HPCAL1: variants seen among roughly 807,000 people sequenced by gnomAD.
HPCAL1 encodes the protein hippocalcin like 1, also known as hippocalcin-like protein 1.
Under a neutral mutation model 17.1 loss-of-function variants are expected in HPCAL1, and 8 were observed. That is an observed-to-expected ratio of 0.47 (90% CI 0.27 to 0.84). The LOEUF (loss-of-function observed/expected upper bound fraction) is 0.84, where lower values mean the gene tolerates loss of function less well. HPCAL1 is among the 40% of genes least tolerant of loss of function. The probability of loss-of-function intolerance (pLI) is 0.13; values close to 1 mark genes in which losing one functional copy is unlikely to be tolerated. For synonymous variants in HPCAL1, 112 were observed against 111.4 expected, an observed-to-expected ratio of 1.01 and a Z score of -0.03; for missense variants, 165 against 271.1, an observed-to-expected ratio of 0.61 and a Z score of 2.75.
At chr2:10,390,126 G>C (rs1418616201) in intron 1 of HPCAL1, among the ~76,000 whole-genome samples, 1 of 152,208 alleles carries the variant, frequency 6.6e-6, no homozygotes, top group Non-Finnish European at 1.5e-5. Flanking sequence ...CCAGGGGTTT[G>C]GTGCTGGGCA....
rs1035989285 is a variant in HPCAL1, at chr2:10,354,881, C to A, written c.-110-41954C>A. On this transcript the variant is annotated intron_variant, in intron 1 of 4. Transcript: ENST00000307845. This position sits in a 1 kb window ranked among gnomAD's most constrained non-coding sequence, Gnocchi z 5.1. ...ACGTTTGCTTTGCAAACTGTGGTCCCCTCCTCATAGATCCTTCAATTCAAC... is the reference window on the plus strand; with the variant it reads ...ACGTTTGCTTTGCAAACTGTGGTCCACTCCTCATAGATCCTTCAATTCAAC... 6.6e-6 allele frequency among the ~76,000 whole-genome samples: 1 copy of A among 152,198 alleles called. No homozygotes were observed. The highest frequency in any genetic ancestry group is 1.5e-5 in the Non-Finnish European group (1 of 68,044).
intron 1 of HPCAL1, among the ~76,000 whole-genome samples, chr2:10,385,625 G>C (rs1200382377): frequency 6.6e-6 from 1 of 152,202 alleles, no homozygotes; most frequent in African/African-American, 2.4e-5. Context: ...GGCAGAATCC[G>C]GTGTCTGCTT....
At chr2:10,360,244 G>A (rs1666437603) in intron 1 of HPCAL1, among the ~76,000 whole-genome samples, 1 of 152,238 alleles carries the variant, frequency 6.6e-6, no homozygotes, top group African/African-American at 2.4e-5. Context: ...AAGAGAAAGA[G>A]AAGTTCCCTA....
rs1666563952 is a variant in HPCAL1 at position 10,362,200 on chromosome 2, T to C, written c.-110-34635T>C. 6.6e-6 allele frequency among the ~76,000 whole-genome samples: 1 copy of C among 152,012 alleles called. No individual in the cohort carries two copies. The highest frequency in any genetic ancestry group is 2.4e-5 in the African/African-American group (1 of 41,350). On this transcript the variant is annotated intron_variant, in intron 1 of 4. Transcript: ENST00000307845. The surrounding 1 kb of genome is among the most constrained non-coding windows in gnomAD (Gnocchi z 5.0). Reference sequence around the variant, plus strand: ...GCATCCAGTTTGCTCTGCCAGCGAGTCAATTGAGCATTTGGAGCATTTGCT... The same window carrying C: ...GCATCCAGTTTGCTCTGCCAGCGAGCCAATTGAGCATTTGGAGCATTTGCT...
At chr2:10,364,073 C>T (rs1369563347) in intron 1 of HPCAL1, among the ~76,000 whole-genome samples, 1 of 152,206 alleles carries the variant, frequency 6.6e-6, no homozygotes, top group Non-Finnish European at 1.5e-5. Flanking sequence ...ATATTAGGGC[C>T]TCCAGGCCTC....
chr2:10,424,626 T>C (rs147365843), intron 4 of HPCAL1: 31 of 470,982 alleles, frequency 6.6e-5, no homozygotes, highest in Admixed American at 1.6e-4. Context: ...TGGTTGGGAA[T>C]TTGGATGGCA....
Position 10,344,442 on chromosome 2 carries a change from G to A in HPCAL1, c.-111+41265G>A, listed in dbSNP as rs758539075. ...CAGAACCAGTGCACATCTGTTAAGC[G>A]CATGCACCAAGCGGCGATTCCATAG... On this transcript the variant is annotated intron_variant, in intron 1 of 4. Coordinates refer to ENST00000307845, the MANE Select transcript of HPCAL1 (RefSeq NM_002149.4). This position sits in a 1 kb window ranked among gnomAD's most constrained non-coding sequence, Gnocchi z 4.9. 2.0e-5 allele frequency among the ~76,000 whole-genome samples: 3 copies of A among 152,204 alleles called. No homozygotes were observed. Among genetic ancestry groups the A allele is most frequent in the Non-Finnish European group, 2.9e-5 (2 of 68,036 alleles).
At chr2:10,318,217 C>T (rs1325473682) in intron 1 of HPCAL1, among the ~76,000 whole-genome samples, 1 of 152,124 alleles carries the variant, frequency 6.6e-6, no homozygotes, top group Non-Finnish European at 1.5e-5. Context: ...TCCAGTTCAG[C>T]ACCAGCATCC....
chr2:10,342,176 A>T lies in HPCAL1; in HGVS notation c.-111+38999A>T, dbSNP rs1451942122. 6.6e-6 allele frequency among the ~76,000 whole-genome samples: 1 copy of T among 152,072 alleles called. No individual in the cohort carries two copies. The highest frequency in any genetic ancestry group is 1.9e-4 in the East Asian group (1 of 5,194). ...AGAGTGGACCTTGTCTGTAAAAATA[A>T]TAATAATAATAATAAAGCTTTGCTC... On this transcript the variant is annotated intron_variant, in intron 1 of 4. Coordinates refer to ENST00000307845, the MANE Select transcript of HPCAL1 (RefSeq NM_002149.4). The surrounding 1 kb of genome is among the most constrained non-coding windows in gnomAD (Gnocchi z 4.1).
intron 1 of HPCAL1, among the ~76,000 whole-genome samples, chr2:10,372,237 G>C (rs1353750771): frequency 1.3e-5 from 2 of 152,206 alleles, no homozygotes; most frequent in Non-Finnish European, 2.9e-5. Context: ...GAGGAAGCTG[G>C]GTGGTGCCCT....
In HPCAL1 at chr2:10,397,520, G is replaced by A. The variant is rs140187844; in HGVS notation, c.-25+600G>A. Among the ~76,000 whole-genome samples the A allele has an allele frequency of 6.6e-3, 1,008 of 152,322 alleles. 13 individuals carry two copies. Among genetic ancestry groups the A allele is most frequent in the African/African-American group, 0.023 (941 of 41,568 alleles). On this transcript the variant is annotated intron_variant, in intron 2 of 4. Transcript: ENST00000307845. ...AATCCGCCACCCTGCAGCCCCCCAG[G>A]CCCCTGCCTGCTCTGGGTGCGAGGA...
At chr2:10,378,292 A>G (rs981808316) in intron 1 of HPCAL1, among the ~76,000 whole-genome samples, 5 of 145,934 alleles carry the variant, frequency 3.4e-5, no homozygotes, top group African/African-American at 1.3e-4. Context: ...ACACACAGTT[A>G]ATATTTCCAA....
rs1668162898 is a variant in HPCAL1 at position 10,384,239 on chromosome 2, A to G, written c.-110-12596A>G. ...GAAGGTCATTTCTTTCTTCAGTCAC[A>G]TCAGATGAGCTGCTTCCCCTCACTA... On this transcript the variant is annotated intron_variant, in intron 1 of 4. Transcript: ENST00000307845. The surrounding 1 kb of genome is among the most constrained non-coding windows in gnomAD (Gnocchi z 4.4). Among the ~76,000 whole-genome samples the G allele has an allele frequency of 1.3e-5, 2 of 152,158 alleles. No individual in the cohort carries two copies. Among genetic ancestry groups the G allele is most frequent in the Non-Finnish European group, 2.9e-5 (2 of 68,018 alleles).
chr2:10,306,537 A>G (rs576731222), intron 1 of HPCAL1, among the ~76,000 whole-genome samples: 1 of 152,282 alleles, frequency 6.6e-6, no homozygotes, highest in South Asian at 2.1e-4. Context: ...TCTGGGAATG[A>G]CAGAGGGTGG....
At chr2:10,326,885 C>T (rs1014633359) in intron 1 of HPCAL1, among the ~76,000 whole-genome samples, 1 of 152,114 alleles carries the variant, frequency 6.6e-6, no homozygotes, top group African/African-American at 2.4e-5. Context: ...GTCCTCCACT[C>T]TCCCTAGATT....
chr2:10,371,622 CT>C lies in HPCAL1; in HGVS notation c.-110-25210del, dbSNP rs150853279. Among the ~76,000 whole-genome samples, 135 of 152,278 alleles carry C rather than the reference CT, an allele frequency of 8.9e-4. 1 individual carries two copies. The highest frequency in any genetic ancestry group is 3.1e-3 in the African/African-American group (128 of 41,554). On this transcript the variant is annotated intron_variant, in intron 1 of 4. Transcript: ENST00000307845. ...CCTCGACGCCAGTCAACACTGTTGCCTTTGTTCCCAGGGCAGCCTTCCCCTT... is the reference window on the plus strand; with the variant it reads ...CCTCGACGCCAGTCAACACTGTTGCCTTGTTCCCAGGGCAGCCTTCCCCTT...
At chr2:10,348,252 C>A (rs998857940) in intron 1 of HPCAL1, among the ~76,000 whole-genome samples, 2 of 152,110 alleles carry the variant, frequency 1.3e-5, no homozygotes, top group African/African-American at 4.8e-5. Context: ...GAGTTCAAGA[C>A]CAGCCTGCCA....
Position 10,365,854 on chromosome 2 carries a change from C to G in HPCAL1, c.-110-30981C>G, listed in dbSNP as rs993345861. Among the ~76,000 whole-genome samples, 2 of 152,128 alleles carry G rather than the reference C, an allele frequency of 1.3e-5. No individual in the cohort carries two copies. The highest frequency in any genetic ancestry group is 4.8e-5 in the African/African-American group (2 of 41,418). ...GGTCCTCTTGCTGCCTCTCTGTGAG[C>G]GAGCCTCGCCTGCTGGGTGCTGAGC... On this transcript the variant is annotated intron_variant, in intron 1 of 4. Coordinates refer to ENST00000307845, the MANE Select transcript of HPCAL1 (RefSeq NM_002149.4). The surrounding 1 kb of genome is among the most constrained non-coding windows in gnomAD (Gnocchi z 4.8).
intron 2 of HPCAL1, among the ~76,000 whole-genome samples, chr2:10,407,469 A>G (rs1187142581): frequency 6.6e-6 from 1 of 152,268 alleles, no homozygotes; most frequent in Non-Finnish European, 1.5e-5. Context: ...TCATTCAAAC[A>G]TATTTATTGA....
Sources: gnomAD v4.1 joint callset for allele counts (sites outside exome capture counted in the v4.1 genomes callset) on GRCh38, gnomAD v4.1.1 for gene constraint, Gnocchi (gnomAD v3.1) non-coding constraint, MANE v1.5 for transcripts, NCBI Gene and HGNC (gene_info 2026-07-23, HGNC 2026-07-21) for gene names.